The following RGL1 variants were observed in gnomAD, a reference collection of about 807,000 sequenced individuals.
RGL1 encodes the protein ral guanine nucleotide dissociation stimulator like 1, also known as ral guanine nucleotide dissociation stimulator-like 1.
Under a neutral mutation model 95.2 loss-of-function variants are expected in RGL1, and 24 were observed. The ratio of observed to expected loss-of-function variants is 0.25; its 90% CI spans 0.18 to 0.35. The LOEUF is 0.35. Among genes scored for constraint, RGL1 ranks in the 10% least tolerant of loss-of-function variants. RGL1 has a pLI of 1.00. For synonymous variants in RGL1, 329 were observed against 344.9 expected, an observed-to-expected ratio of 0.95 and a Z score of 0.51; for missense variants, 715 against 936.3, an observed-to-expected ratio of 0.76 and a Z score of 3.08.
Position 183,892,138 on chromosome 1 carries a change from A to G in RGL1, c.1117A>G (p.Thr373Ala), listed in dbSNP as rs778250965. ...DIFSDHNNHL[T>A]SRELLMKEGT... ...CTTCTCAGACCATAATAACCATTTG[A>G]CCAGCCGAGAACTACTGATGAAGGT... Residue 373 changes from threonine (T) to alanine (A), a missense_variant, in exon 9 of 18, where the codon ACC becomes GCC. By Grantham distance (58) the Thr-to-Ala change is moderately conservative (BLOSUM62 0). Transcript: ENST00000360851. 1.2e-6 allele frequency: 2 copies of G among 1,612,388 alleles called. No individual in the cohort carries two copies. The highest frequency in any genetic ancestry group is 1.1e-5 in the South Asian group (1 of 91,010).
intron 17 of RGL1, among the ~76,000 whole-genome samples, chr1:183,923,214 A>G (rs772081482): frequency 3.9e-5 from 6 of 152,216 alleles, no homozygotes; most frequent in Non-Finnish European, 5.9e-5. Context: ...AGTGTCCCCT[A>G]TAAGTGAGAA....
intron 1 of RGL1, among the ~76,000 whole-genome samples, chr1:183,685,754 T>A (rs949879283): frequency 6.6e-6 from 1 of 152,314 alleles, no homozygotes; most frequent in East Asian, 1.9e-4. Flanking sequence ...AGACCTAACA[T>A]GTGGTAATAC....
intron 2 of RGL1, among the ~76,000 whole-genome samples, chr1:183,750,367 T>G (rs1657914772): frequency 6.6e-6 from 1 of 152,254 alleles, no homozygotes; most frequent in Non-Finnish European, 1.5e-5. Flanking sequence ...TTGATACTTG[T>G]GTATGCTTCA....
chr1:183,705,450 A>C (rs1654854163), intron 1 of RGL1, among the ~76,000 whole-genome samples: 1 of 134,118 alleles, frequency 7.5e-6, no homozygotes, highest in Non-Finnish European at 1.7e-5. Flanking sequence ...TCATCAACAT[A>C]CTGAAGGAGA....
At chr1:183,849,038 A>G (rs990803284) in intron 3 of RGL1, among the ~76,000 whole-genome samples, 4 of 152,184 alleles carry the variant, frequency 2.6e-5, no homozygotes, top group African/African-American at 9.7e-5. Flanking sequence ...TATGATACAG[A>G]TAGCATCACA....
chr1:183,647,370 G>T, intron 1 of RGL1: 1 of 199,632 alleles, frequency 5.0e-6, no homozygotes, highest in Non-Finnish European at 1.0e-5. Context: ...GAAAGATGAT[G>T]TGAGTAAAAT....
At position 183,805,171 on chromosome 1, in the gene RGL1, T is replaced by C; in HGVS notation, c.-127T>C. 2 of 1,290,586 alleles carry C rather than the reference T, an allele frequency of 1.5e-6. No homozygotes were observed. Among genetic ancestry groups the C allele is most frequent in the South Asian group, 3.8e-5 (2 of 52,082 alleles). 79.9% of individuals were successfully genotyped at this position (1,290,586 alleles called of 1,614,324 possible). A position where few individuals can be genotyped will look rare whatever the true frequency, so the allele number is the denominator to read the frequency against. ...CGGCGGGGGCAGCGCGGCGCGTGTC[T>C]GTGCGCTGCGGTCGCTCGGGACCGG... On this transcript the variant is annotated 5_prime_UTR_variant, in exon 1 of 18. Coordinates refer to ENST00000360851, the MANE Select transcript of RGL1 (RefSeq NM_001297671.3).
chr1:183,792,273 T>A (rs1355609592), intron 2 of RGL1, among the ~76,000 whole-genome samples: 1 of 152,140 alleles, frequency 6.6e-6, no homozygotes, highest in Non-Finnish European at 1.5e-5. Context: ...CGGATTCATT[T>A]CTTTATTTCA....
chr1:183,702,738 G>C (rs1353284580), intron 1 of RGL1, among the ~76,000 whole-genome samples: 1 of 152,204 alleles, frequency 6.6e-6, no homozygotes, highest in Non-Finnish European at 1.5e-5. Context: ...CAGGGGATTG[G>C]AGCATGGATA....
chr1:183,741,509 C>A (rs779888762), intron 1 of RGL1, among the ~76,000 whole-genome samples: 1 of 152,212 alleles, frequency 6.6e-6, no homozygotes, highest in Non-Finnish European at 1.5e-5. Flanking sequence ...TCAAAGGGAT[C>A]TTCCTCTGCC....
rs531803203 is a variant in RGL1, at chr1:183,874,947, A to G, written c.426-5669A>G. 2.0e-5 allele frequency among the ~76,000 whole-genome samples: 3 copies of G among 152,312 alleles called. No individual in the cohort carries two copies. The East Asian group carries it at 5.8e-4, about 29-fold the overall frequency. ...CAGGGTCAAGGTTGACTTAGGCTTC[A>G]GTTCTTGAAGGACAAAGTGTATTAG... On this transcript the variant is annotated intron_variant, in intron 4 of 17. Transcript: ENST00000360851.
chr1:183,798,919 C>T (rs1297520725), intron 2 of RGL1, among the ~76,000 whole-genome samples: 10 of 134,266 alleles, frequency 7.4e-5, no homozygotes, highest in South Asian at 2.3e-4. Context: ...CTTGCTCTGT[C>T]GCCCAGGCTG....
At chr1:183,864,803 C>T (rs947796028) in intron 3 of RGL1, among the ~76,000 whole-genome samples, 6 of 152,156 alleles carry the variant, frequency 3.9e-5, no homozygotes, top group Non-Finnish European at 7.4e-5. Flanking sequence ...TGCCTAAGGG[C>T]GCAAACTGGA....
rs1668688316 is a variant in RGL1 at position 183,912,248 on chromosome 1, C to T, written c.1729C>T (p.Pro577Ser). The T allele has an allele frequency of 1.2e-6, 2 of 1,613,852 alleles. No homozygotes were observed. Among genetic ancestry groups the T allele is most frequent in the Non-Finnish European group, 1.7e-6 (2 of 1,179,900 alleles). The change falls in exon 15 of 18, where the codon CCT becomes TCT. Residue 577 changes from proline (P) to serine (S), a missense_variant. By Grantham distance (74) the Pro-to-Ser change is moderately conservative. Transcript: ENST00000360851. ...EEGSITPMDT[P>S]DEPQKKLSES... ...GGGCTCCATTACTCCCATGGACACC[C>T]CTGATGAGCCTCAAAAAAAGGTATA... is the stretch of plus-strand genomic sequence containing the variant.
At chr1:183,743,082 G>T (rs1332921294) in intron 2 of RGL1, among the ~76,000 whole-genome samples, 2 of 152,120 alleles carry the variant, frequency 1.3e-5, no homozygotes, top group Non-Finnish European at 2.9e-5. Context: ...CACAGTCATA[G>T]CTTACTGCTG....
chr1:183,877,792 G>A lies in RGL1; in HGVS notation c.426-2824G>A, dbSNP rs949176226. On this transcript the variant is annotated intron_variant, in intron 4 of 17. Coordinates refer to ENST00000360851, the MANE Select transcript of RGL1 (RefSeq NM_001297671.3). Reference sequence around the variant, plus strand: ...CAAAGAGTAAAAAAATGTATAGATCGCCAGAGTTCATTAAAAACATCAGAT... The same window carrying A: ...CAAAGAGTAAAAAAATGTATAGATCACCAGAGTTCATTAAAAACATCAGAT... Among the ~76,000 whole-genome samples the A allele has an allele frequency of 1.2e-4, 18 of 152,074 alleles. No homozygotes were observed. In the South Asian group the frequency reaches 2.1e-3, roughly 18 times the overall value.
At chr1:183,772,210 G>A (rs1320793611) in intron 2 of RGL1, among the ~76,000 whole-genome samples, 2 of 152,220 alleles carry the variant, frequency 1.3e-5, no homozygotes, top group Non-Finnish European at 2.9e-5. Context: ...ACAAGGTGGA[G>A]GGTCTGATTG....
At chr1:183,873,108 T>C (rs12121117) in intron 4 of RGL1, among the ~76,000 whole-genome samples, 7,628 of 152,300 alleles carry the variant, frequency 0.05, 278 homozygotes, top group Non-Finnish European at 0.076. Flanking sequence ...GAAACTGATG[T>C]TCTAATAGTT....
chr1:183,765,804 G>A (rs1032916015), intron 2 of RGL1, among the ~76,000 whole-genome samples: 1 of 152,154 alleles, frequency 6.6e-6, no homozygotes, highest in Non-Finnish European at 1.5e-5. Context: ...AAAATCTTAG[G>A]ATAGCTATAG....
Sources: allele counts gnomAD v4.1 joint callset (sites outside exome capture counted in the v4.1 genomes callset), GRCh38; gene constraint gnomAD v4.1.1; transcripts MANE v1.5; gene names NCBI Gene and HGNC (gene_info 2026-07-23, HGNC 2026-07-21).